Variants in GJC1 observed in about 807,000 individuals in gnomAD.
The protein encoded by GJC1 is gap junction gamma-1 protein.
In GJC1, 5 loss-of-function variants were observed where a neutral mutation model predicts 29.3. The observed-to-expected ratio is 0.17, with a 90% CI of 0.09 to 0.36. The LOEUF is 0.36. Ranked by LOEUF, GJC1 falls within the 10% of genes least tolerant of loss-of-function variation. The pLI is 1.00. For synonymous variants in GJC1, 177 were observed against 183.3 expected (o/e 0.97, Z 0.28); for missense variants, 310 against 496.2 (o/e 0.62, Z 3.56).
chr17:44,795,211 C>A (rs758020), downstream of GJC1: 134,699 of 152,204 alleles, frequency 0.88, 59,722 homozygotes, highest in Middle Eastern at 0.91. Context: ...GTCATGATCC[C>A]GAAGTGCTAA....
rs962574757 is a variant in GJC1, at chr17:44,830,252, G to GCCT, written c.-290_-288dup. On this transcript the variant is annotated 5_prime_UTR_variant, in exon 1 of 3. Transcript: ENST00000592524. The surrounding 1 kb of genome is among the most constrained non-coding windows in gnomAD (Gnocchi z 4.3). ...TCCCGCCGCTGCCGCCGCCGCCGCCGCCTCCCGCTCCCGCCGCCGCGACCC... is the reference window on the plus strand; with the variant it reads ...TCCCGCCGCTGCCGCCGCCGCCGCCGCCTCCTCCCGCTCCCGCCGCCGCGACCC... 6.3e-6 allele frequency: 1 copy of GCCT among 159,674 alleles called. No individual in the cohort carries two copies. The highest frequency in any genetic ancestry group is 2.4e-5 in the African/African-American group (1 of 41,256). 9.9% of individuals were successfully genotyped at this position (159,674 alleles called of 1,614,324 possible).
intron 1 of GJC1, among the ~76,000 whole-genome samples, chr17:44,811,603 T>C (rs2049982505): frequency 6.6e-6 from 1 of 151,972 alleles, no homozygotes; most frequent in Non-Finnish European, 1.5e-5. Context: ...CCCAGGCTGG[T>C]CCTGAACTCC....
At chr17:44,806,759 AACAC>A (rs1477795785) in intron 2 of GJC1, among the ~76,000 whole-genome samples, 1 of 152,162 alleles carries the variant, frequency 6.6e-6, no homozygotes, top group Non-Finnish European at 1.5e-5. Context: ...AAATTTAAAA[AACAC>A]ACAGGTATAG....
intron 1 of GJC1, among the ~76,000 whole-genome samples, chr17:44,823,795 T>A (rs1436609418): frequency 1.3e-5 from 2 of 151,062 alleles, no homozygotes; most frequent in African/African-American, 4.9e-5. Flanking sequence ...CACTGCAACC[T>A]CTGCCTCCCA....
chr17:44,829,217 C>T (rs994160201), intron 1 of GJC1, among the ~76,000 whole-genome samples: 1 of 151,906 alleles, frequency 6.6e-6, no homozygotes, highest in African/African-American at 2.4e-5. Flanking sequence ...AAAAGTACTC[C>T]CAATCAGACA....
rs554254475 is a variant in GJC1, at chr17:44,801,028, C to T, written c.*3599G>A. On this transcript the variant is annotated 3_prime_UTR_variant, in exon 3 of 3. Transcript: ENST00000592524. ...CGGTGGCTCACGCCTGTAATCACAG[C>T]ACTTTGGGAAGCTGAGGTGGGCGGA... 1.3e-5 allele frequency: 2 copies of T among 151,922 alleles called. No homozygotes were observed. The highest frequency in any genetic ancestry group is 4.2e-4 in the South Asian group (2 of 4,802). The allele number at this position is 151,922 out of a possible 1,614,324, so 9.4% of individuals were successfully genotyped here. A position where few individuals can be genotyped will look rare whatever the true frequency, so the allele number is the denominator to read the frequency against.
intron 1 of GJC1, among the ~76,000 whole-genome samples, chr17:44,809,523 A>G (rs992052487): frequency 1.3e-5 from 2 of 152,062 alleles, no homozygotes; most frequent in Admixed American, 1.3e-4. Context: ...ACAATTAGTT[A>G]GAACTAACTC....
At chr17:44,821,725 AC>A (rs1318667734) in intron 1 of GJC1, among the ~76,000 whole-genome samples, 1,686 of 104,604 alleles carry the variant, frequency 0.016, 99 homozygotes, top group African/African-American at 0.041. Context: ...AAAAAAAAAA[AC>A]AACAAAAAAA....
At chr17:44,819,476 G>C (rs946209857) in intron 1 of GJC1, among the ~76,000 whole-genome samples, 1 of 151,858 alleles carries the variant, frequency 6.6e-6, no homozygotes, top group Admixed American at 6.6e-5. Context: ...GGCTAACACT[G>C]TGAAACCCCC....
chr17:44,811,692 C>T (rs1289131858), intron 1 of GJC1, among the ~76,000 whole-genome samples: 1 of 151,998 alleles, frequency 6.6e-6, no homozygotes, highest in African/African-American at 2.4e-5. Context: ...TGGCCTCTTT[C>T]TCTTAATATA....
Position 44,799,177 on chromosome 17 carries a change from CTTTT to C in GJC1, c.*5446_*5449del, listed in dbSNP as rs1314962790. On this transcript the variant is annotated 3_prime_UTR_variant, in exon 3 of 3. Coordinates refer to ENST00000592524, the MANE Select transcript of GJC1 (RefSeq NM_005497.4). ...CCACACCCAGCCAGAACTATTACTT[CTTTT>C]ATCTCTGTAGAAACTGCACTGGATA... The C allele has an allele frequency of 6.6e-6, 1 of 151,620 alleles. No individual in the cohort carries two copies. The highest frequency in any genetic ancestry group is 1.5e-5 in the Non-Finnish European group (1 of 67,974). The allele number at this position is 151,620 out of a possible 1,614,324, so 9.4% of individuals were successfully genotyped here.
intron 1 of GJC1, among the ~76,000 whole-genome samples, chr17:44,809,002 A>C (rs900051050): frequency 1.3e-5 from 2 of 152,062 alleles, no homozygotes; most frequent in African/African-American, 4.8e-5. Flanking sequence ...TGAACCTGGG[A>C]GGGGGAGGTG....
intron 1 of GJC1, among the ~76,000 whole-genome samples, chr17:44,818,776 G>A (rs933289966): frequency 6.6e-6 from 1 of 151,782 alleles, no homozygotes. Context: ...GCCTGGGCAA[G>A]AGAGCAAAAG....
chr17:44,810,600 A>G (rs1357184886), intron 1 of GJC1, among the ~76,000 whole-genome samples: 1 of 151,956 alleles, frequency 6.6e-6, no homozygotes, highest in African/African-American at 2.4e-5. Flanking sequence ...TATGCTCTTG[A>G]CCACAAAATG....
At chr17:44,821,053 G>A (rs961812818) in intron 1 of GJC1, among the ~76,000 whole-genome samples, 1 of 152,174 alleles carries the variant, frequency 6.6e-6, no homozygotes, top group Non-Finnish European at 1.5e-5. Context: ...TGAGATCTTG[G>A]CTGTATCAAC....
At chr17:44,811,770 G>A (rs574705431) in intron 1 of GJC1, among the ~76,000 whole-genome samples, 1 of 151,828 alleles carries the variant, frequency 6.6e-6, no homozygotes, top group African/African-American at 2.4e-5. Flanking sequence ...TTGGGAGGCT[G>A]AGACAAGTGG....
rs564641960 is a variant in GJC1, at chr17:44,811,393, T to C, written c.-96-3924A>G. Among the ~76,000 whole-genome samples the C allele has an allele frequency of 6.1e-4, 89 of 147,096 alleles. 1 individual carries two copies. In the Middle Eastern group the frequency reaches 0.014, roughly 23 times the overall value. On this transcript the variant is annotated intron_variant, in intron 1 of 2. Coordinates refer to ENST00000592524, the MANE Select transcript of GJC1 (RefSeq NM_005497.4). ...CACTGCACCTGGCCTTTTTTCTTTT[T>C]TTTTTTTTTTTTTGAGACAAAGTCT...
chr17:44,821,495 C>G (rs924453419), intron 1 of GJC1, among the ~76,000 whole-genome samples: 2 of 151,288 alleles, frequency 1.3e-5, no homozygotes, highest in African/African-American at 4.9e-5. Context: ...GTCAGGAGTT[C>G]GAGACCAGCC....
At chr17:44,828,567 G>C (rs1056111036) in intron 1 of GJC1, among the ~76,000 whole-genome samples, 4 of 152,136 alleles carry the variant, frequency 2.6e-5, no homozygotes, top group Admixed American at 6.6e-5. Flanking sequence ...ACAAAAATCT[G>C]GGGAAAACTA....
Sources: gnomAD v4.1 joint callset for allele counts (sites outside exome capture counted in the v4.1 genomes callset) on GRCh38, gnomAD v4.1.1 for gene constraint, Gnocchi (gnomAD v3.1) non-coding constraint, MANE v1.5 for transcripts, NCBI Gene and HGNC (gene_info 2026-07-23, HGNC 2026-07-21) for gene names.